Variants in AK5 observed in about 807,000 individuals in gnomAD.
AK5 encodes the protein adenylate kinase isoenzyme 5.
AK5 carries 27 observed loss-of-function variants against 69.5 expected under a neutral mutation model. The ratio of observed to expected loss-of-function variants is 0.39; its 90% confidence interval spans 0.29 to 0.54. AK5 has a LOEUF of 0.54. AK5 is among the 20% of genes least tolerant of loss of function. AK5 has a pLI of 0.71. For missense variants in AK5, 531 were observed against 700.4 expected (o/e 0.76, Z 2.73); for synonymous variants, 260 against 244.4 (o/e 1.06, Z -0.60).
At position 77,355,589 on chromosome 1, in the gene AK5, A is replaced by T. The variant is rs141685309; in HGVS notation, c.891+15021A>T. On this transcript the variant is annotated intron_variant, in intron 6 of 13. Transcript: ENST00000354567. ...CTTCTGGGAAGCCACCCTGATGGGG[A>T]CAGATGCCCCCACTCTGAGGTCCCA... 5.9e-5 allele frequency among the ~76,000 whole-genome samples: 9 copies of T among 152,252 alleles called. No individual in the cohort carries two copies. The East Asian group carries it at 1.7e-3, about 29-fold the overall frequency.
intron 10 of AK5, among the ~76,000 whole-genome samples, chr1:77,510,039 C>A (rs1381877166): frequency 2.0e-5 from 3 of 152,194 alleles, no homozygotes; most frequent in African/African-American, 7.2e-5. Context: ...TCAAAGTCAT[C>A]TAACCAGATG....
intron 6 of AK5, among the ~76,000 whole-genome samples, chr1:77,363,502 C>T (rs999623757): frequency 2.0e-5 from 3 of 152,152 alleles, no homozygotes; most frequent in Non-Finnish European, 4.4e-5. Context: ...CTATTTGAAC[C>T]CTTCAATGAC....
chr1:77,429,963 G>T (rs894801831), intron 8 of AK5, among the ~76,000 whole-genome samples: 1 of 152,194 alleles, frequency 6.6e-6, no homozygotes, highest in Non-Finnish European at 1.5e-5. Flanking sequence ...TGTAGAGCAG[G>T]TTAGGGGTTT....
chr1:77,367,925 ATATTATATATAATATATATGT>A (rs1204053364), intron 6 of AK5, among the ~76,000 whole-genome samples: 851 of 46,474 alleles, frequency 0.018, 13 homozygotes, highest in Non-Finnish European at 0.023. Context: ...TATGTGATAT[ATATTATATATAATATATATGT>A]TATATATATA....
At chr1:77,363,264 C>G (rs1242588077) in intron 6 of AK5, among the ~76,000 whole-genome samples, 1 of 152,112 alleles carries the variant, frequency 6.6e-6, no homozygotes, top group African/African-American at 2.4e-5. Context: ...GCTTTGTGGT[C>G]TTTTTCAATA....
intron 5 of AK5, among the ~76,000 whole-genome samples, chr1:77,305,756 A>G (rs1659599188): frequency 1.3e-5 from 2 of 152,246 alleles, no homozygotes; most frequent in South Asian, 4.1e-4. Flanking sequence ...TCTGTAGTAT[A>G]ATTTGAAGTC....
chr1:77,306,037 A>G lies in AK5; in HGVS notation c.699+8090A>G, dbSNP rs530949585. ...CTTTCATCAGTGTTTTATAGTTTTCATTACAGAGATTGTTTGGTTAATTCC... is the reference window on the plus strand; with the variant it reads ...CTTTCATCAGTGTTTTATAGTTTTCGTTACAGAGATTGTTTGGTTAATTCC... On this transcript the variant is annotated intron_variant, in intron 5 of 13. Transcript: ENST00000354567. Among the ~76,000 whole-genome samples, 26 of 151,988 alleles carry G rather than the reference A, an allele frequency of 1.7e-4. No individual in the cohort carries two copies. In the South Asian group the frequency reaches 3.9e-3, roughly 23 times the overall value.
At chr1:77,380,931 G>A (rs929736077) in intron 6 of AK5, among the ~76,000 whole-genome samples, 1 of 152,206 alleles carries the variant, frequency 6.6e-6, no homozygotes, top group East Asian at 1.9e-4. Flanking sequence ...GGAGTTTAGA[G>A]TGAGGTAGGA....
intron 7 of AK5, among the ~76,000 whole-genome samples, chr1:77,415,323 A>T (rs1482459950): frequency 6.6e-6 from 1 of 152,224 alleles, no homozygotes; most frequent in African/African-American, 2.4e-5. Flanking sequence ...AACACTTTGT[A>T]ATTAAATAAA....
chr1:77,441,774 T>A (rs182365646), intron 8 of AK5, among the ~76,000 whole-genome samples: 1 of 152,340 alleles, frequency 6.6e-6, no homozygotes, highest in Admixed American at 6.5e-5. Flanking sequence ...GTGGCACTGG[T>A]CACAGAGGCA....
intron 10 of AK5, among the ~76,000 whole-genome samples, chr1:77,515,712 G>A (rs1657606925): frequency 6.6e-6 from 1 of 152,172 alleles, no homozygotes; most frequent in Admixed American, 6.5e-5. Flanking sequence ...GGGGAAACAT[G>A]TGATCTGGAC....
chr1:77,282,979 C>G (rs1619903), intron 1 of AK5: 1 of 985,286 alleles, frequency 1.0e-6, no homozygotes, highest in Non-Finnish European at 1.2e-6. Context: ...GCACGTTTTT[C>G]CCGTTGCCTA....
At chr1:77,495,249 C>T (rs991325970) in intron 10 of AK5, among the ~76,000 whole-genome samples, 4 of 152,190 alleles carry the variant, frequency 2.6e-5, no homozygotes, top group Admixed American at 2.0e-4. Context: ...CCAAGTTTCT[C>T]AGACATCAAA....
Position 77,448,391 on chromosome 1 carries a change from A to C in AK5, c.1059+30676A>C, listed in dbSNP as rs1570150726. Among the ~76,000 whole-genome samples the C allele has an allele frequency of 3.3e-5, 5 of 151,728 alleles. No individual in the cohort carries two copies. In the South Asian group the frequency reaches 1.0e-3, roughly 32 times the overall value. ...ACCTGCCTGCAGATAGGAAATACCCACTCTGGGTCTCCTCTCCGCTGAGGG... is the reference window on the plus strand; with the variant it reads ...ACCTGCCTGCAGATAGGAAATACCCCCTCTGGGTCTCCTCTCCGCTGAGGG... On this transcript the variant is annotated intron_variant, in intron 8 of 13. Coordinates refer to ENST00000354567, the MANE Select transcript of AK5 (RefSeq NM_174858.3).
At chr1:77,477,256 G>A (rs117905493) in intron 8 of AK5, among the ~76,000 whole-genome samples, 1,563 of 152,218 alleles carry the variant, frequency 0.01, 35 homozygotes, top group East Asian at 0.079. Context: ...TCAAACTCCT[G>A]GGCTCAAATG....
At chr1:77,404,472 T>C (rs1386585653) in intron 6 of AK5, among the ~76,000 whole-genome samples, 1 of 152,122 alleles carries the variant, frequency 6.6e-6, no homozygotes, top group Non-Finnish European at 1.5e-5. Flanking sequence ...AAGCCAGTTC[T>C]CCCTTCACCA....
chr1:77,287,488 G>T (rs1658424952), intron 2 of AK5, among the ~76,000 whole-genome samples: 1 of 152,186 alleles, frequency 6.6e-6, no homozygotes, highest in African/African-American at 2.4e-5. Context: ...TTACATAGCA[G>T]TTCAGCATTT....
intron 6 of AK5, among the ~76,000 whole-genome samples, chr1:77,383,095 A>G (rs1647763106): frequency 1.3e-5 from 2 of 152,240 alleles, no homozygotes. Flanking sequence ...AGAATGATTC[A>G]AAAACATCAT....
chr1:77,550,132 G>T (rs1570353994), intron 13 of AK5, among the ~76,000 whole-genome samples: 1 of 152,004 alleles, frequency 6.6e-6, no homozygotes, highest in East Asian at 1.9e-4. Flanking sequence ...TTTTATTTTT[G>T]TAGAGACACT....
Sources: allele counts gnomAD v4.1 joint callset (sites outside exome capture counted in the v4.1 genomes callset), GRCh38; gene constraint gnomAD v4.1.1; transcripts MANE v1.5; gene names NCBI Gene and HGNC (gene_info 2026-07-23, HGNC 2026-07-21).